CHM: variants seen among roughly 807,000 people sequenced by gnomAD.
CHM encodes CHM Rab escort protein, also known as rab proteins geranylgeranyltransferase component A 1.
Under a neutral mutation model 49.0 loss-of-function variants are expected in CHM, and 10 were observed. That is an observed-to-expected ratio of 0.20 (90% confidence interval 0.13 to 0.35). The LOEUF is 0.35. Ranked by LOEUF, CHM falls within the 10% of genes least tolerant of loss-of-function variation. The probability of loss-of-function intolerance (pLI) is 1.00; values close to 1 mark genes in which losing one functional copy is unlikely to be tolerated. For missense variants in CHM, 455 were observed against 478.4 expected (o/e 0.95, Z 0.46); for synonymous variants, 184 against 167.5 (o/e 1.10, Z -0.76).
chrX:86,015,134 T>G (rs1222445703), intron 2 of CHM, among the ~76,000 whole-genome samples: 1 of 111,052 alleles, frequency 9.0e-6, no homozygotes, highest in Admixed American at 9.6e-5. Flanking sequence ...GTGTCCCCAC[T>G]CAAATCTCAT....
intron 1 of CHM, among the ~76,000 whole-genome samples, chrX:86,038,816 T>C (rs1934343063): frequency 8.9e-6 from 1 of 112,142 alleles, no homozygotes. Context: ...GCTGACATCA[T>C]GAGGTTACTG....
At chrX:85,943,681 C>A (rs1268019163) in intron 8 of CHM, among the ~76,000 whole-genome samples, 1 of 111,690 alleles carries the variant, frequency 9.0e-6, no homozygotes, top group African/African-American at 3.3e-5. Context: ...ACAAATATAA[C>A]AAGTTCCAGA....
intron 2 of CHM, among the ~76,000 whole-genome samples, chrX:86,015,154 C>T (rs936026573): frequency 3.6e-5 from 4 of 110,718 alleles, no homozygotes; most frequent in Non-Finnish European, 5.7e-5. Context: ...TCTTGAATTC[C>T]CATGTGTTGT....
At chrX:86,034,478 C>T (rs754191100) in intron 1 of CHM, among the ~76,000 whole-genome samples, 5 of 112,094 alleles carry the variant, frequency 4.5e-5, no homozygotes, top group African/African-American at 1.6e-4. Context: ...GTAACACCCA[C>T]ATGGTATTAG....
intron 11 of CHM, among the ~76,000 whole-genome samples, chrX:85,899,908 T>A (rs1926147086): frequency 9.0e-6 from 1 of 110,709 alleles, no homozygotes; most frequent in Admixed American, 9.7e-5. Context: ...AGACAAGACA[T>A]AACAAGTGTT....
At chrX:85,942,003 TACTATTATCCC>T (rs905969576) in intron 8 of CHM, among the ~76,000 whole-genome samples, 2 of 111,705 alleles carry the variant, frequency 1.8e-5, no homozygotes, top group Admixed American at 1.9e-4. Flanking sequence ...ATGAGGTATG[TACTATTATCCC>T]ACCAAAAATG....
chrX:86,014,402 T>C (rs980505108), intron 2 of CHM, among the ~76,000 whole-genome samples: 2 of 112,083 alleles, frequency 1.8e-5, no homozygotes, highest in African/African-American at 6.5e-5. Context: ...CAAGAGAATG[T>C]TAAAGTTACC....
intron 1 of CHM, among the ~76,000 whole-genome samples, chrX:86,027,865 A>G (rs889996673): frequency 6.3e-5 from 7 of 110,574 alleles, no homozygotes; most frequent in Non-Finnish European, 1.3e-4. Context: ...CCTGGTTCAA[A>G]TGATTCTCCT....
At chrX:86,042,452 G>A (rs746240505) in intron 1 of CHM, among the ~76,000 whole-genome samples, 39 of 110,363 alleles carry the variant, frequency 3.5e-4, no homozygotes, top group Middle Eastern at 4.2e-3. Flanking sequence ...ATAGCAGAAG[G>A]CAAAGGGGAA....
intron 5 of CHM, among the ~76,000 whole-genome samples, chrX:85,961,794 T>C (rs1181563610): frequency 9.0e-6 from 1 of 111,362 alleles, no homozygotes; most frequent in Non-Finnish European, 1.9e-5. Context: ...TCTAGACATG[T>C]TTGGTTTTTA....
intron 4 of CHM, among the ~76,000 whole-genome samples, chrX:85,967,462 G>A (rs1325251336): frequency 9.0e-6 from 1 of 111,479 alleles, no homozygotes; most frequent in Non-Finnish European, 1.9e-5. Flanking sequence ...AACATACACA[G>A]GTGCTCCTCG....
chrX:85,962,814 C>T (rs1434819291), intron 5 of CHM, among the ~76,000 whole-genome samples: 1 of 111,405 alleles, frequency 9.0e-6, no homozygotes, highest in Non-Finnish European at 1.9e-5. Context: ...TTCCTATAAA[C>T]CAAATGCAAT....
chrX:85,868,290 A>C (rs1050909336), intron 14 of CHM, among the ~76,000 whole-genome samples: 1 of 111,290 alleles, frequency 9.0e-6, no homozygotes, highest in Non-Finnish European at 1.9e-5. Context: ...TTCAGCTATA[A>C]GTTCTGGGGA....
chrX:85,884,682 T>C (rs1160759225), intron 12 of CHM, among the ~76,000 whole-genome samples: 1 of 111,137 alleles, frequency 9.0e-6, no homozygotes, highest in East Asian at 2.8e-4. Context: ...TCAAACCAAA[T>C]TTAAGGCAAT....
chrX:85,888,730 C>T (rs896414628), intron 12 of CHM, among the ~76,000 whole-genome samples: 1 of 111,289 alleles, frequency 9.0e-6, no homozygotes, highest in Non-Finnish European at 1.9e-5. Context: ...AAAACCTACA[C>T]GCTCTAGCAA....
chrX:85,894,064 C>T, intron 12 of CHM, 124 bp downstream of exon 12: 1 of 521,076 alleles, frequency 1.9e-6, no homozygotes, highest in South Asian at 2.9e-5. Flanking sequence ...TTTATATAAA[C>T]AAAAACTGTG....
chrX:85,927,078 A>G (rs754233166), intron 8 of CHM, among the ~76,000 whole-genome samples: 210 of 111,939 alleles, frequency 1.9e-3, no homozygotes, highest in African/African-American at 6.5e-3. Context: ...AGTAAAGACA[A>G]TTTTCCTCAC....
chrX:86,027,362 T>G (rs1933868758), intron 2 of CHM, 129 bp downstream of exon 2: 1 of 551,471 alleles, frequency 1.8e-6, no homozygotes. Context: ...CCGATCTTTC[T>G]TCTAACTTAA....
At position 85,952,334 on chromosome X, in the gene CHM, A is replaced by G. The variant is rs138850885; in HGVS notation, c.1166+3819T>C. Among the ~76,000 whole-genome samples the G allele has an allele frequency of 3.4e-3, 376 of 110,642 alleles. 2 individuals carry two copies. The highest frequency in any genetic ancestry group is 0.014 in the Middle Eastern group (3 of 215). ...TCCTTCTGCTTGAGAAGAGGAGAGC[A>G]AAGAGTAAAAGGACTTTGTCTTTCA... On this transcript the variant is annotated intron_variant, in intron 8 of 14. Transcript: ENST00000357749.
Sources: gnomAD v4.1 joint callset for allele counts (sites outside exome capture counted in the v4.1 genomes callset) on GRCh38, gnomAD v4.1.1 for gene constraint, MANE v1.5 for transcripts, NCBI Gene and HGNC (gene_info 2026-07-23, HGNC 2026-07-21) for gene names.